GRXCR1: variants seen among roughly 807,000 people sequenced by gnomAD.
The protein encoded by GRXCR1 is glutaredoxin domain-containing cysteine-rich protein 1.
A neutral mutation model predicts 27.3 loss-of-function variants in GRXCR1; 27 were observed. The ratio of observed to expected loss-of-function variants is 0.99; its 90% CI spans 0.73 to 1.37. GRXCR1 has a LOEUF of 1.37. Among genes scored for constraint, GRXCR1 ranks in the 40% most tolerant of loss-of-function variants. The pLI, the probability that GRXCR1 is intolerant of heterozygous loss-of-function variation, is 0.00. For synonymous variants in GRXCR1, 122 were observed against 131.1 expected, an observed-to-expected ratio of 0.93 and a Z score of 0.47; for missense variants, 379 against 354.4, an observed-to-expected ratio of 1.07 and a Z score of -0.56.
intron 1 of GRXCR1, among the ~76,000 whole-genome samples, chr4:42,896,552 A>G (rs1001797357): frequency 1.3e-5 from 2 of 152,034 alleles, no homozygotes; most frequent in African/African-American, 4.8e-5. Flanking sequence ...TGAATTTGCC[A>G]ACTCTCCCAG....
intron 1 of GRXCR1, among the ~76,000 whole-genome samples, chr4:42,910,887 G>A (rs925485824): frequency 1.4e-4 from 21 of 152,046 alleles, no homozygotes; most frequent in African/African-American, 4.6e-4. Flanking sequence ...TTTTCTCTCG[G>A]TTGGTTTAAT....
intron 1 of GRXCR1, among the ~76,000 whole-genome samples, chr4:42,903,385 C>A (rs2109739735): frequency 7.5e-6 from 1 of 133,510 alleles, no homozygotes; most frequent in Non-Finnish European, 1.6e-5. Flanking sequence ...GATCTCGGCT[C>A]ACTGCAAGCT....
chr4:43,027,768 A>T (rs916141960), intron 3 of GRXCR1, among the ~76,000 whole-genome samples: 3 of 152,186 alleles, frequency 2.0e-5, no homozygotes, highest in African/African-American at 7.2e-5. Context: ...CTGGTACAGC[A>T]GTTGTGGTTA....
intron 2 of GRXCR1, among the ~76,000 whole-genome samples, chr4:42,975,471 C>T (rs1748493314): frequency 6.6e-6 from 1 of 152,180 alleles, no homozygotes; most frequent in Non-Finnish European, 1.5e-5. Flanking sequence ...TTAATAGCAC[C>T]TAATAATGTA....
At chr4:42,924,137 A>C (rs1183025626) in intron 1 of GRXCR1, among the ~76,000 whole-genome samples, 2 of 152,124 alleles carry the variant, frequency 1.3e-5, no homozygotes, top group Non-Finnish European at 2.9e-5. Context: ...GAGATGCCTG[A>C]GAGGAATCCT....
At chr4:42,935,074 C>T (rs1277630594) in intron 1 of GRXCR1, among the ~76,000 whole-genome samples, 1 of 151,890 alleles carries the variant, frequency 6.6e-6, no homozygotes, top group African/African-American at 2.4e-5. Context: ...GAAACTCTGA[C>T]TGCTCAGGAA....
At chr4:42,905,196 T>C (rs1342020339) in intron 1 of GRXCR1, among the ~76,000 whole-genome samples, 1 of 152,174 alleles carries the variant, frequency 6.6e-6, no homozygotes, top group Non-Finnish European at 1.5e-5. Context: ...AACTTCCGTG[T>C]CTATTTGGCC....
intron 2 of GRXCR1, among the ~76,000 whole-genome samples, chr4:43,013,518 CTA>C (rs1329017027): frequency 1.3e-5 from 2 of 152,122 alleles, no homozygotes; most frequent in Non-Finnish European, 2.9e-5. Context: ...GGTTGAAAAA[CTA>C]TTGGTTGTCA....
intron 2 of GRXCR1, among the ~76,000 whole-genome samples, chr4:42,965,234 C>T (rs555527701): frequency 3.6e-4 from 55 of 152,120 alleles, no homozygotes; most frequent in Non-Finnish European, 6.5e-4. Flanking sequence ...TTTATTTATA[C>T]ACATGGTAGC....
At chr4:42,948,427 C>CTT (rs1435659640) in intron 1 of GRXCR1, among the ~76,000 whole-genome samples, 17 of 152,150 alleles carry the variant, frequency 1.1e-4, no homozygotes, top group African/African-American at 4.1e-4. Context: ...TATCAAGGGT[C>CTT]TTGGAAGAAC....
chr4:42,997,627 CT>C (rs1403307125), intron 2 of GRXCR1, among the ~76,000 whole-genome samples: 1 of 152,172 alleles, frequency 6.6e-6, no homozygotes, highest in Non-Finnish European at 1.5e-5. Flanking sequence ...GTCACCTCCC[CT>C]ATGGGACTCT....
At chr4:42,916,829 A>G (rs187075176) in intron 1 of GRXCR1, among the ~76,000 whole-genome samples, 33 of 152,174 alleles carry the variant, frequency 2.2e-4, no homozygotes, top group African/African-American at 5.8e-4. Flanking sequence ...GTATCTATTG[A>G]TTATTTTTGC....
intron 1 of GRXCR1, among the ~76,000 whole-genome samples, chr4:42,929,816 G>T (rs185445159): frequency 3.1e-4 from 47 of 151,750 alleles, no homozygotes; most frequent in Non-Finnish European, 8.8e-5. Flanking sequence ...TATAACACCT[G>T]CACCATAAAA....
intron 2 of GRXCR1, among the ~76,000 whole-genome samples, chr4:43,001,165 G>C (rs1712344087): frequency 6.6e-6 from 1 of 151,786 alleles, no homozygotes; most frequent in African/African-American, 2.4e-5. Context: ...AAGACGATAG[G>C]ATGCCTTTGT....
At chr4:42,969,664 T>G (rs1748336716) in intron 2 of GRXCR1, among the ~76,000 whole-genome samples, 1 of 152,084 alleles carries the variant, frequency 6.6e-6, no homozygotes. Context: ...TCTGCCTCCA[T>G]GATTCAATCA....
At chr4:42,952,788 A>T (rs895158119) in intron 1 of GRXCR1, among the ~76,000 whole-genome samples, 3 of 152,144 alleles carry the variant, frequency 2.0e-5, no homozygotes, top group Non-Finnish European at 2.9e-5. Context: ...AAGGGGAATC[A>T]CAGAGGGAAG....
At chr4:43,024,259 G>T (rs10020625) in intron 3 of GRXCR1, among the ~76,000 whole-genome samples, 114,874 of 144,094 alleles carry the variant, frequency 0.8, 45,939 homozygotes, top group East Asian at 0.99. Flanking sequence ...CCCTGAGGGC[G>T]GGTAACCACT....
rs113883877 is a variant in GRXCR1, at chr4:43,027,514, A to G, written c.694-2847A>G. ...GTGATGTTGTAGGCCCATTATGTAA[A>G]ATAATTTTTAATTGTGTTGAGTTAC... On this transcript the variant is annotated intron_variant, in intron 3 of 3. Coordinates refer to ENST00000399770, the MANE Select transcript of GRXCR1 (RefSeq NM_001080476.3). Among the ~76,000 whole-genome samples the G allele has an allele frequency of 7.5e-3, 1,139 of 152,300 alleles. 6 individuals are homozygous for G. Among genetic ancestry groups the G allele is most frequent in the African/African-American group, 0.026 (1,087 of 41,554 alleles).
chr4:42,917,256 T>C (rs892538187), intron 1 of GRXCR1, among the ~76,000 whole-genome samples: 1 of 152,132 alleles, frequency 6.6e-6, no homozygotes, highest in South Asian at 2.1e-4. Context: ...AAAGTAGAAA[T>C]ATATGGGAGA....
Sources: allele counts gnomAD v4.1 joint callset (sites outside exome capture counted in the v4.1 genomes callset), GRCh38; gene constraint gnomAD v4.1.1; transcripts MANE v1.5; gene names NCBI Gene and HGNC (gene_info 2026-07-23, HGNC 2026-07-21).